Variants in SPON1 observed in about 807,000 individuals in gnomAD.
The protein encoded by SPON1 is spondin-1.
A neutral mutation model predicts 111.7 loss-of-function variants in SPON1; 52 were observed. The ratio of observed to expected loss-of-function variants is 0.47; its 90% CI spans 0.37 to 0.59. SPON1 has a LOEUF of 0.59. SPON1 is among the 20% of genes least tolerant of loss of function. The probability of loss-of-function intolerance (pLI) is 0.00; values close to 1 mark genes in which losing one functional copy is unlikely to be tolerated. For missense variants in SPON1, 957 were observed against 1,068.5 expected (o/e 0.90, Z 1.46); for synonymous variants, 410 against 395.8 (o/e 1.04, Z -0.43).
At position 14,023,634 on chromosome 11, in the gene SPON1, G is replaced by A. The variant is rs547275910; in HGVS notation, c.346-17887G>A. 4.6e-5 allele frequency among the ~76,000 whole-genome samples: 7 copies of A among 152,304 alleles called. No individual in the cohort carries two copies. In the South Asian group the frequency reaches 1.4e-3, roughly 32 times the overall value. ...TGGAGGTCAGCTTTTGCAGATCACA[G>A]CCTGCCAACTGGGAACACTTGCGAA... is the stretch of plus-strand genomic sequence containing the variant. On this transcript the variant is annotated intron_variant, in intron 2 of 15. Coordinates refer to ENST00000576479, the MANE Select transcript of SPON1 (RefSeq NM_006108.4).
chr11:14,019,278 T>C (rs1267325959), intron 2 of SPON1, among the ~76,000 whole-genome samples: 4 of 152,048 alleles, frequency 2.6e-5, no homozygotes, highest in Admixed American at 6.6e-5. Context: ...GTTTTCTCAC[T>C]AATAAGATGG....
chr11:14,061,722 AAC>A (rs1848792418), intron 3 of SPON1, among the ~76,000 whole-genome samples: 2 of 152,246 alleles, frequency 1.3e-5, no homozygotes, highest in African/African-American at 4.8e-5. Flanking sequence ...CTATTTAGTC[AAC>A]AGTCAGATTG....
intron 6 of SPON1, among the ~76,000 whole-genome samples, chr11:14,169,152 C>T (rs1365376902): frequency 3.3e-5 from 5 of 152,234 alleles, no homozygotes; most frequent in African/African-American, 1.2e-4. Flanking sequence ...TCCACGTCCT[C>T]TCCAGCACCT....
At position 14,028,102 on chromosome 11, in the gene SPON1, T is replaced by C. The variant is rs376217044; in HGVS notation, c.346-13419T>C. 2.0e-4 allele frequency among the ~76,000 whole-genome samples: 30 copies of C among 152,296 alleles called. No individual in the cohort carries two copies. The South Asian group carries it at 5.4e-3, about 27-fold the overall frequency. ...TTAATACAGACCCCCTACTTGCTAG[T>C]CCCAGTTTCTGAATCTGTAAAATGG... On this transcript the variant is annotated intron_variant, in intron 2 of 15. Coordinates refer to ENST00000576479, the MANE Select transcript of SPON1 (RefSeq NM_006108.4).
At position 14,133,396 on chromosome 11, in the gene SPON1, T is replaced by C. The variant is rs539545014; in HGVS notation, c.677-2024T>C. On this transcript the variant is annotated intron_variant, in intron 5 of 15. Coordinates refer to ENST00000576479, the MANE Select transcript of SPON1 (RefSeq NM_006108.4). ...ACTGTAAGAGTGATAATAAATGTGATTTGTGCTATGGCAAGACAGAAGACA... is the reference window on the plus strand; with the variant it reads ...ACTGTAAGAGTGATAATAAATGTGACTTGTGCTATGGCAAGACAGAAGACA... Among the ~76,000 whole-genome samples the C allele has an allele frequency of 3.3e-5, 5 of 152,292 alleles. No homozygotes were observed. The South Asian group carries it at 8.3e-4, about 25-fold the overall frequency.
intron 5 of SPON1, among the ~76,000 whole-genome samples, chr11:14,090,709 G>A (rs905287840): frequency 1.3e-5 from 2 of 151,744 alleles, no homozygotes; most frequent in Non-Finnish European, 2.9e-5. Flanking sequence ...TGGACCCAAA[G>A]AGTGAGCAGC....
chr11:14,176,452 G>A (rs1444045088), intron 6 of SPON1, among the ~76,000 whole-genome samples: 1 of 152,086 alleles, frequency 6.6e-6, no homozygotes, highest in Admixed American at 6.5e-5. Flanking sequence ...CCTGCAATGA[G>A]GCTACAGGTA....
chr11:14,050,172 A>G (rs1848697960), intron 3 of SPON1, among the ~76,000 whole-genome samples: 1 of 152,262 alleles, frequency 6.6e-6, no homozygotes, highest in Non-Finnish European at 1.5e-5. Context: ...CAAAGAATAA[A>G]GTCAAAATTC....
chr11:14,017,681 G>A (rs1554914432), intron 2 of SPON1, among the ~76,000 whole-genome samples: 1 of 152,200 alleles, frequency 6.6e-6, no homozygotes, highest in Non-Finnish European at 1.5e-5. Context: ...CCCTAGTTCA[G>A]GCATATTTCA....
intron 2 of SPON1, among the ~76,000 whole-genome samples, chr11:14,008,179 A>T (rs1466664773): frequency 1.3e-5 from 2 of 152,220 alleles, no homozygotes; most frequent in Non-Finnish European, 2.9e-5. Context: ...CTATTTACAA[A>T]GTATTACATC....
At chr11:14,231,495 AAGGTTACAC>A (rs1317615120) in intron 6 of SPON1, among the ~76,000 whole-genome samples, 1 of 152,142 alleles carries the variant, frequency 6.6e-6, no homozygotes, top group African/African-American at 2.4e-5. Flanking sequence ...GATATATAAT[AAGGTTACAC>A]AGTGACAATC....
intron 6 of SPON1, among the ~76,000 whole-genome samples, chr11:14,141,433 T>A (rs1847655080): frequency 6.6e-6 from 1 of 152,212 alleles, no homozygotes; most frequent in African/African-American, 2.4e-5. Flanking sequence ...CACCCATTTA[T>A]TAAAAATCCA....
chr11:14,110,442 A>T (rs1425738898), intron 5 of SPON1, among the ~76,000 whole-genome samples: 7 of 152,154 alleles, frequency 4.6e-5, no homozygotes, highest in Non-Finnish European at 7.3e-5. Flanking sequence ...GTGGGACAAA[A>T]CCAATAAGAT....
At chr11:14,257,117 T>C (rs1554941302) in intron 10 of SPON1, among the ~76,000 whole-genome samples, 1 of 152,222 alleles carries the variant, frequency 6.6e-6, no homozygotes. Context: ...TTATGGGATC[T>C]GGAGCCAGAC....
intron 6 of SPON1, among the ~76,000 whole-genome samples, chr11:14,160,607 T>TTA (rs377579852): frequency 5.2e-5 from 1 of 19,330 alleles, no homozygotes; most frequent in Non-Finnish European, 8.9e-5. Context: ...TTATATATAT[T>TTA]TATATATATT....
chr11:13,985,770 A>G (rs1848177748), intron 2 of SPON1, among the ~76,000 whole-genome samples: 1 of 152,158 alleles, frequency 6.6e-6, no homozygotes, highest in Admixed American at 6.5e-5. Flanking sequence ...AAGTTGACTA[A>G]GACAGTCCAG....
chr11:14,200,456 TAA>T lies in SPON1; in HGVS notation c.826-42874_826-42873del, dbSNP rs573701901. Among the ~76,000 whole-genome samples the T allele has an allele frequency of 3.2e-3, 483 of 152,312 alleles. 3 individuals carry two copies. Among genetic ancestry groups the T allele is most frequent in the African/African-American group, 0.011 (442 of 41,578 alleles). On this transcript the variant is annotated intron_variant, in intron 6 of 15. Transcript: ENST00000576479. ...TTAACATCCATTTAATTAACTTCTA[TAA>T]AGATTTTTTGTTGACTTCATGAATC...
intron 2 of SPON1, among the ~76,000 whole-genome samples, chr11:14,012,602 C>G (rs113070048): frequency 6.6e-6 from 1 of 152,198 alleles, no homozygotes; most frequent in Non-Finnish European, 1.5e-5. Context: ...TTGGCAAAAA[C>G]AGACTCGTCT....
rs537141290 is a variant in SPON1 at position 14,147,173 on chromosome 11, G to T, written c.825+11605G>T. 1.0e-3 allele frequency among the ~76,000 whole-genome samples: 154 copies of T among 151,574 alleles called. 1 individual carries two copies. The highest frequency in any genetic ancestry group is 3.0e-3 in the African/African-American group (124 of 41,314). The stretch of plus-strand genomic sequence containing the variant: ...GCCTCCTGAGTAGCCGGGACTATAG[G>T]CACCTGCCACCATGCCTGGCTAATT... On this transcript the variant is annotated intron_variant, in intron 6 of 15. Transcript: ENST00000576479.
Sources: allele counts gnomAD v4.1 joint callset (sites outside exome capture counted in the v4.1 genomes callset), GRCh38; gene constraint gnomAD v4.1.1; transcripts MANE v1.5; gene names NCBI Gene and HGNC (gene_info 2026-07-23, HGNC 2026-07-21).